Variants in TBC1D10A observed in about 807,000 individuals in gnomAD.
TBC1D10A encodes TBC1 domain family member 10A.
A neutral mutation model predicts 52.9 loss-of-function variants in TBC1D10A; 24 were observed. That is an observed-to-expected ratio of 0.45 (90% confidence interval 0.33 to 0.64). The LOEUF (loss-of-function observed/expected upper bound fraction) is 0.64, where lower values mean the gene tolerates loss of function less well. Among genes scored for constraint, TBC1D10A ranks in the 30% least tolerant of loss-of-function variants. TBC1D10A has a pLI of 0.02. For synonymous variants in TBC1D10A, 278 were observed against 282.9 expected (o/e 0.98, Z 0.17); for missense variants, 602 against 687.9 (o/e 0.88, Z 1.40).
intron 1 of TBC1D10A, among the ~76,000 whole-genome samples, chr22:30,307,094 A>C (rs1302243804): frequency 6.6e-6 from 1 of 152,114 alleles, no homozygotes; most frequent in Non-Finnish European, 1.5e-5. Flanking sequence ...CCCACAGAGG[A>C]GCTGTGGGAT....
intron 2 of TBC1D10A, among the ~76,000 whole-genome samples, chr22:30,302,338 C>G (rs1454686589): frequency 6.6e-6 from 1 of 152,242 alleles, no homozygotes; most frequent in Admixed American, 6.5e-5. Context: ...TCTGTGAGGG[C>G]AGGGCCCTGC....
chr22:30,294,319 T>C (rs1930026436), intron 6 of TBC1D10A, among the ~76,000 whole-genome samples: 2 of 152,046 alleles, frequency 1.3e-5, no homozygotes, highest in Admixed American at 1.3e-4. Context: ...GAAGGGCACA[T>C]GAGCAAAAGA....
intron 2 of TBC1D10A, among the ~76,000 whole-genome samples, chr22:30,303,147 G>C (rs1930238425): frequency 1.3e-5 from 2 of 152,150 alleles, no homozygotes; most frequent in African/African-American, 4.8e-5. Context: ...CACGTGTGGT[G>C]ACGTGCCTGT....
intron 1 of TBC1D10A, among the ~76,000 whole-genome samples, chr22:30,320,593 A>G (rs1455844952): frequency 6.6e-6 from 1 of 152,166 alleles, no homozygotes; most frequent in Non-Finnish European, 1.5e-5. Context: ...GAATGGGGAT[A>G]ATCACCCCTC....
At chr22:30,324,010 T>C (rs529465968) in intron 1 of TBC1D10A, among the ~76,000 whole-genome samples, 2 of 152,324 alleles carry the variant, frequency 1.3e-5, no homozygotes, top group East Asian at 3.9e-4. Flanking sequence ...TATGGTTTTT[T>C]TAATCTACTC....
At chr22:30,318,220 TC>T (rs1930577513) in intron 1 of TBC1D10A, among the ~76,000 whole-genome samples, 1 of 152,070 alleles carries the variant, frequency 6.6e-6, no homozygotes, top group Admixed American at 6.6e-5. Flanking sequence ...GCCAAGTGCC[TC>T]CCCTTGATCA....
chr22:30,312,531 AAAAC>A (rs1455978639), intron 1 of TBC1D10A, among the ~76,000 whole-genome samples: 1 of 152,156 alleles, frequency 6.6e-6, no homozygotes, highest in Non-Finnish European at 1.5e-5. Context: ...ACCTTTTCTC[AAAAC>A]AAACAAAACA....
chr22:30,304,658 G>A (rs771649792), intron 1 of TBC1D10A, 28 bp from the exon 2 acceptor site: 4 of 1,610,800 alleles, frequency 2.5e-6, no homozygotes, highest in Non-Finnish European at 3.4e-6. Flanking sequence ...GGGCCTGTGA[G>A]AGGTGCCAAG....
intron 1 of TBC1D10A, among the ~76,000 whole-genome samples, chr22:30,322,425 C>G (rs2145786981): frequency 6.6e-6 from 1 of 152,138 alleles, no homozygotes; most frequent in Admixed American, 6.6e-5. Flanking sequence ...CAAAAACAGA[C>G]AGGGACCATC....
At chr22:30,305,243 C>T (rs1364674834) in intron 1 of TBC1D10A, among the ~76,000 whole-genome samples, 2 of 152,192 alleles carry the variant, frequency 1.3e-5, no homozygotes, top group East Asian at 3.9e-4. Flanking sequence ...GATCTACTGA[C>T]TGGGCAGCTA....
chr22:30,317,518 G>A (rs1053564173), intron 1 of TBC1D10A, among the ~76,000 whole-genome samples: 12 of 151,686 alleles, frequency 7.9e-5, no homozygotes, highest in Non-Finnish European at 1.5e-4. Flanking sequence ...CCAGATCTCC[G>A]TTCAGCAGTA....
rs556587338 is a variant in TBC1D10A, at chr22:30,295,731, G to A, written c.524+6C>T. 13 of 1,613,782 alleles carry A rather than the reference G, an allele frequency of 8.1e-6. No homozygotes were observed. In the African/African-American group the frequency reaches 9.3e-5, roughly 12 times the overall value. On this transcript the variant is annotated splice_donor_region_variant and intron_variant, in intron 4 of 8. Transcript: ENST00000215790. Reference sequence around the variant, plus strand: ...CCTCCCACCTCATGAGGCCCAGCCTGCTCACCCGTGGCCCCCCCGGGACAC... The same window carrying A: ...CCTCCCACCTCATGAGGCCCAGCCTACTCACCCGTGGCCCCCCCGGGACAC...
Position 30,295,744 on chromosome 22 carries a change from C to A in TBC1D10A, c.517G>T (p.Gly173Cys), listed in dbSNP as rs1930064828. 1.9e-6 allele frequency: 3 copies of A among 1,614,022 alleles called. No individual in the cohort carries two copies. The highest frequency in any genetic ancestry group is 2.2e-5 in the East Asian group (1 of 44,886). The change falls in exon 4 of 9, where the codon GGC becomes TGC. Residue 173 changes from glycine to cysteine, a missense_variant. Transcript: ENST00000215790. Reference protein sequence around the residue: ...PFHEMFVSRGGHGQQDLFRVL... With the variant: ...PFHEMFVSRGCHGQQDLFRVL... ...GAGGCCCAGCCTGCTCACCCGTGGC[C>A]CCCCCGGGACACAAACATCTCATGG... is the stretch of plus-strand genomic sequence containing the variant.
chr22:30,310,209 T>C (rs1471618027), intron 1 of TBC1D10A, among the ~76,000 whole-genome samples: 3 of 152,168 alleles, frequency 2.0e-5, no homozygotes, highest in Non-Finnish European at 2.9e-5. Context: ...TTCAGTGGGG[T>C]CATAACGCAC....
At chr22:30,302,576 C>T (rs990846051) in intron 2 of TBC1D10A, among the ~76,000 whole-genome samples, 2 of 152,058 alleles carry the variant, frequency 1.3e-5, no homozygotes, top group Non-Finnish European at 2.9e-5. Context: ...GGAAGAGCCC[C>T]GAGGGCAGGG....
intron 3 of TBC1D10A, chr22:30,298,755 G>C (rs912626159): frequency 1.3e-5 from 2 of 152,418 alleles, no homozygotes; most frequent in African/African-American, 4.8e-5. Flanking sequence ...TCTGAATGGA[G>C]AGGTATTTTA....
At chr22:30,308,799 C>A (rs971501908) in intron 1 of TBC1D10A, among the ~76,000 whole-genome samples, 2 of 152,212 alleles carry the variant, frequency 1.3e-5, no homozygotes, top group African/African-American at 4.8e-5. Flanking sequence ...TGCATCAGGG[C>A]TACAAGCTAC....
intron 1 of TBC1D10A, among the ~76,000 whole-genome samples, chr22:30,324,719 C>T (rs142080664): frequency 6.6e-6 from 1 of 152,276 alleles, no homozygotes; most frequent in Non-Finnish European, 1.5e-5. Flanking sequence ...GTGCCAGGCA[C>T]CTTCACGTAT....
At position 30,294,076 on chromosome 22, in the gene TBC1D10A, G is replaced by A. The variant is rs781614848; in HGVS notation, c.740C>T (p.Ser247Leu). 14 of 1,613,926 alleles carry A rather than the reference G, an allele frequency of 8.7e-6. No individual in the cohort carries two copies. The highest frequency in any genetic ancestry group is 6.7e-5 in the African/African-American group (5 of 74,896). ...CACCGGCGACACCTTCTGCAACAGC[G>A]AGAAAAGGATCTCCCCGTCCAGCTG... ...AIQLDGEILFSLLQKVSPVAH... is the reference protein window; with the variant it reads ...AIQLDGEILFLLLQKVSPVAH... Residue 247 changes from serine (S) to leucine (L), a missense_variant, in exon 7 of 9, where the codon TCG becomes TTG. Ser to Leu is a moderately radical substitution (Grantham distance 145, BLOSUM62 -2). This residue lies in a region of TBC1D10A where 136 missense variants were observed against 208.4 expected (regional missense o/e 0.65). Transcript: ENST00000215790.
Sources: allele counts gnomAD v4.1 joint callset (sites outside exome capture counted in the v4.1 genomes callset), GRCh38; gene constraint gnomAD v4.1.1; regional missense constraint gnomAD v4.1.1; transcripts MANE v1.5; gene names NCBI Gene and HGNC (gene_info 2026-07-23, HGNC 2026-07-21).